EPS15: variants seen among roughly 807,000 people sequenced by gnomAD.
EPS15 encodes the protein epidermal growth factor receptor pathway substrate 15.
EPS15 carries 72 observed loss-of-function variants against 113.8 expected under a neutral mutation model. The ratio of observed to expected loss-of-function variants is 0.63; its 90% confidence interval spans 0.52 to 0.77. The LOEUF is 0.77. Ranked by LOEUF, EPS15 falls within the 30% of genes least tolerant of loss-of-function variation. The pLI, the probability that EPS15 is intolerant of heterozygous loss-of-function variation, is 0.00. For missense variants in EPS15, 1,048 were observed against 1,045.8 expected (o/e 1.00, Z -0.03); for synonymous variants, 344 against 363.4 (o/e 0.95, Z 0.61).
intron 13 of EPS15, among the ~76,000 whole-genome samples, chr1:51,420,059 C>T (rs1270380809): frequency 6.6e-6 from 1 of 152,006 alleles, no homozygotes; most frequent in Non-Finnish European, 1.5e-5. Context: ...TTACCATGGC[C>T]CAAGATGCCT....
chr1:51,486,520 T>G (rs1473287427), intron 1 of EPS15, among the ~76,000 whole-genome samples: 1 of 151,968 alleles, frequency 6.6e-6, no homozygotes, highest in Non-Finnish European at 1.5e-5. Context: ...TAGGGACAAC[T>G]TATTTGTATC....
chr1:51,406,071 T>C lies in EPS15; in HGVS notation c.1511A>G (p.Asn504Ser). 6.2e-7 allele frequency: 1 copy of C among 1,614,054 alleles called. No individual in the cohort carries two copies. The highest frequency in any genetic ancestry group is 8.5e-7 in the Non-Finnish European group (1 of 1,179,980). The change falls in exon 16 of 25, where the codon AAT becomes AGT. Residue 504 changes from asparagine to serine, a missense_variant. Physicochemically the swap from Asn to Ser is conservative, Grantham distance 46. Transcript: ENST00000371733. ...GCACCAATTTAACTGACTATTATGA[T>C]TTTCCAAATCTTTCATTTCCATCAG... ...MKLMEMKDLE[N>S]HNSQLNWCSS...
In EPS15 at chr1:51,434,381, C is replaced by T. The variant is rs184773768; in HGVS notation, c.1040+5966G>A. Among the ~76,000 whole-genome samples the T allele has an allele frequency of 5.4e-4, 83 of 152,326 alleles. 2 individuals are homozygous for T. The highest frequency in any genetic ancestry group is 1.2e-3 in the Admixed American group (19 of 15,302). The stretch of plus-strand genomic sequence containing the variant: ...TTCAGCCTGAAAAAGGAAGGAAATT[C>T]TGACATATGCCACAACACAGAAGAA... On this transcript the variant is annotated intron_variant, in intron 12 of 24. Transcript: ENST00000371733.
chr1:51,401,195 A>T, intron 18 of EPS15: 2 of 364,890 alleles, frequency 5.5e-6, no homozygotes, highest in East Asian at 9.3e-5. Flanking sequence ...TTACTAACAA[A>T]ATCTCTACTC....
At chr1:51,408,920 C>T (rs541121765) in intron 14 of EPS15, among the ~76,000 whole-genome samples, 280 of 152,186 alleles carry the variant, frequency 1.8e-3, no homozygotes, top group African/African-American at 6.7e-3. Context: ...CTGGCTCAGC[C>T]TGCCGAGTAG....
chr1:51,431,384 C>T (rs551047538), intron 12 of EPS15, among the ~76,000 whole-genome samples: 5 of 151,866 alleles, frequency 3.3e-5, no homozygotes, highest in African/African-American at 1.2e-4. Context: ...TATGACAAAG[C>T]ACACCCCCTT....
At chr1:51,508,354 A>AAGAAAGAAAG (rs1644556806) in intron 1 of EPS15, among the ~76,000 whole-genome samples, 1 of 149,732 alleles carries the variant, frequency 6.7e-6, no homozygotes, top group Non-Finnish European at 1.5e-5. Context: ...GAAAGAAAGA[A>AAGAAAGAAAG]AGAAAGAAAG....
intron 12 of EPS15, among the ~76,000 whole-genome samples, chr1:51,426,837 C>CTCTCTCTCTCTCTCTCTA (rs377211027): frequency 5.1e-4 from 73 of 143,644 alleles, no homozygotes; most frequent in African/African-American, 1.8e-3. Context: ...CTCTCTCTCT[C>CTCTCTCTCTCTCTCTCTA]TATATATATA....
rs1451216363 is a variant in EPS15, at chr1:51,436,562, A to G, written c.1040+3785T>C. On this transcript the variant is annotated intron_variant, in intron 12 of 24. Transcript: ENST00000371733. ...ATTATAACAAAGAATGATAAGTGTT[A>G]TAACAGTTGTAAATATAAAGACTAC... is the stretch of plus-strand genomic sequence containing the variant. Among the ~76,000 whole-genome samples, 6 of 152,356 alleles carry G rather than the reference A, an allele frequency of 3.9e-5. No individual in the cohort carries two copies. In the South Asian group the frequency reaches 1.2e-3, roughly 32 times the overall value.
chr1:51,465,268 G>A lies in EPS15; in HGVS notation c.368C>T (p.Ala123Val). The change falls in exon 6 of 25, where the codon GCT becomes GTT. Residue 123 changes from alanine to valine, a missense_variant. Coordinates refer to ENST00000371733, the MANE Select transcript of EPS15 (RefSeq NM_001981.3). ...SGTSAAELPW[A>V]VKPEDKAKYD... ...GTTACAAAGTTTACTTACTTTTACA[G>A]CCCATGGGAGCTCAGCTGCAGAGGT... The A allele has an allele frequency of 1.2e-6, 2 of 1,605,552 alleles. No homozygotes were observed. The highest frequency in any genetic ancestry group is 1.7e-6 in the Non-Finnish European group (2 of 1,173,414).
Position 51,365,944 on chromosome 1 carries a change from GTAGAT to G in EPS15, c.2196+4_2196+8del. ...ATGTTTTCCCTTCCCATTAATTACT[GTAGAT>G]TACCTTTGACAATGTGCTGAAGTCA... On this transcript the variant is annotated splice_donor_5th_base_variant and intron_variant, in intron 22 of 24. Coordinates refer to ENST00000371733, the MANE Select transcript of EPS15 (RefSeq NM_001981.3). 3 of 1,581,808 alleles carry G rather than the reference GTAGAT, an allele frequency of 1.9e-6. No individual in the cohort carries two copies. Among genetic ancestry groups the G allele is most frequent in the Non-Finnish European group, 2.6e-6 (3 of 1,155,424 alleles).
At chr1:51,371,105 G>A (rs1646638693) in intron 21 of EPS15, among the ~76,000 whole-genome samples, 2 of 151,804 alleles carry the variant, frequency 1.3e-5, no homozygotes, top group Admixed American at 1.3e-4. Flanking sequence ...TTTTAGTAGA[G>A]ATTGAGTTTC....
chr1:51,466,342 C>A (rs1198466309), intron 5 of EPS15, among the ~76,000 whole-genome samples: 1 of 151,548 alleles, frequency 6.6e-6, no homozygotes, highest in African/African-American at 2.4e-5. Flanking sequence ...TGAATCTAGG[C>A]TAGGTGTGGT....
At chr1:51,364,696 G>A (rs1254551082) in intron 22 of EPS15, among the ~76,000 whole-genome samples, 7 of 151,752 alleles carry the variant, frequency 4.6e-5, no homozygotes, top group Non-Finnish European at 8.8e-5. Context: ...ATGGAGTTTC[G>A]TTATGTTGCC....
At chr1:51,514,018 T>C (rs1644671364) in intron 1 of EPS15, among the ~76,000 whole-genome samples, 1 of 149,698 alleles carries the variant, frequency 6.7e-6, no homozygotes, top group African/African-American at 2.6e-5. Context: ...ACAAGGTAGA[T>C]AAAAACTACA....
In EPS15 at chr1:51,355,383, T is replaced by C. The variant is rs929511665; in HGVS notation, c.*1317A>G. 6 of 206,722 alleles carry C rather than the reference T, an allele frequency of 2.9e-5. No homozygotes were observed. The highest frequency in any genetic ancestry group is 1.5e-3 in the Middle Eastern group (1 of 670). 12.8% of individuals were successfully genotyped at this position (206,722 alleles called of 1,614,324 possible). A position where few individuals can be genotyped will look rare whatever the true frequency, so the allele number is the denominator to read the frequency against. On this transcript the variant is annotated 3_prime_UTR_variant, in exon 25 of 25. Coordinates refer to ENST00000371733, the MANE Select transcript of EPS15 (RefSeq NM_001981.3). ...CTTTATCTTGGTATTTAATACATCATCTAAGTCAGTAACCGTGTTAAACAA... is the reference window on the plus strand; with the variant it reads ...CTTTATCTTGGTATTTAATACATCACCTAAGTCAGTAACCGTGTTAAACAA...
At chr1:51,405,853 T>C in intron 16 of EPS15, 52 bp downstream of exon 16, 2 of 1,459,030 alleles carry the variant, frequency 1.4e-6, no homozygotes, top group Non-Finnish European at 1.9e-6. Flanking sequence ...CAGTGAAACT[T>C]GGATCTGCAC....
In EPS15 at chr1:51,403,295, G is replaced by A. The variant is rs888831585; in HGVS notation, c.1791+124C>T. On this transcript the variant is annotated intron_variant, in intron 17 of 24. Coordinates refer to ENST00000371733, the MANE Select transcript of EPS15 (RefSeq NM_001981.3). ...TATATTGCCTAAAGGTGAAGTCGGG[G>A]CTTTTGATGTATCTATCATCTGAAT... 4 of 464,444 alleles carry A rather than the reference G, an allele frequency of 8.6e-6. No homozygotes were observed. The Admixed American group carries it at 1.3e-4, about 15-fold the overall frequency. The allele number at this position is 464,444 out of a possible 1,614,324, so 28.8% of individuals were successfully genotyped here.
At chr1:51,356,884 A>C in intron 24 of EPS15, 38 bp from the exon 25 acceptor site, 1 of 1,576,986 alleles carries the variant, frequency 6.3e-7, no homozygotes, top group Non-Finnish European at 8.6e-7. Flanking sequence ...CGAATAAATA[A>C]ATGAGTAAAG....
Sources: allele counts gnomAD v4.1 joint callset (sites outside exome capture counted in the v4.1 genomes callset), GRCh38; gene constraint gnomAD v4.1.1; transcripts MANE v1.5; gene names NCBI Gene and HGNC (gene_info 2026-07-23, HGNC 2026-07-21).